Variants in OXR1 observed in about 807,000 individuals in gnomAD.
OXR1 encodes the protein oxidation resistance protein 1.
In OXR1, 41 loss-of-function variants were observed where a neutral mutation model predicts 104.6. That is an observed-to-expected ratio of 0.39 (90% CI 0.31 to 0.51). The LOEUF (loss-of-function observed/expected upper bound fraction) is 0.51. Ranked by LOEUF, OXR1 falls within the 20% of genes least tolerant of loss-of-function variation. OXR1 has a pLI of 0.77. For missense variants in OXR1, 955 were observed against 1,031.9 expected, an observed-to-expected ratio of 0.93 and a Z score of 1.02; for synonymous variants, 348 against 348.4, an observed-to-expected ratio of 1.00 and a Z score of 0.01.
chr8:106,600,179 A>G (rs1473922344), intron 3 of OXR1, among the ~76,000 whole-genome samples: 1 of 152,214 alleles, frequency 6.6e-6, no homozygotes, highest in Non-Finnish European at 1.5e-5. Flanking sequence ...GTTACAATGG[A>G]TGAGCATATC....
rs61559960 is a variant in OXR1 at position 106,293,965 on chromosome 8, A to ATTTTTTTT, written c.-139+23612_-139+23619dup. Among the ~76,000 whole-genome samples, 206 of 124,316 alleles carry ATTTTTTTT rather than the reference A, an allele frequency of 1.7e-3. 4 individuals are homozygous for ATTTTTTTT. Among genetic ancestry groups the ATTTTTTTT allele is most frequent in the African/African-American group, 6.0e-3 (180 of 30,208 alleles). 81.6% of individuals were successfully genotyped at this position (124,316 alleles called of 152,430 possible). The stretch of plus-strand genomic sequence containing the variant: ...TTCTAGATTTTCATATGACAGTTTA[A>ATTTTTTTT]TTTTTTTTTTTTTTTTTTTTTGGTA... On this transcript the variant is annotated intron_variant, in intron 1 of 16. Transcript: ENST00000517566.
At chr8:106,463,113 T>G (rs1010423952) in intron 2 of OXR1, among the ~76,000 whole-genome samples, 2 of 152,070 alleles carry the variant, frequency 1.3e-5, no homozygotes, top group Non-Finnish European at 2.9e-5. Context: ...GCCCATATTT[T>G]ATACACTTTG....
At chr8:106,644,884 C>A (rs1823947656) in intron 3 of OXR1, among the ~76,000 whole-genome samples, 1 of 152,124 alleles carries the variant, frequency 6.6e-6, no homozygotes, top group Non-Finnish European at 1.5e-5. Context: ...GCCATGGAAC[C>A]AGAATCTCTG....
At chr8:106,549,690 A>T (rs1815653062) in intron 3 of OXR1, among the ~76,000 whole-genome samples, 1 of 152,182 alleles carries the variant, frequency 6.6e-6, no homozygotes, top group South Asian at 2.1e-4. Context: ...CTGCTTCCTG[A>T]TTCATAGATG....
intron 2 of OXR1, among the ~76,000 whole-genome samples, chr8:106,420,330 T>C (rs1354640261): frequency 6.6e-6 from 1 of 151,988 alleles, no homozygotes; most frequent in Non-Finnish European, 1.5e-5. Flanking sequence ...GAATTTCTTT[T>C]GTATAAATTT....
intron 3 of OXR1, among the ~76,000 whole-genome samples, chr8:106,524,243 C>T (rs560824400): frequency 1.3e-5 from 2 of 152,298 alleles, no homozygotes; most frequent in East Asian, 3.9e-4. Flanking sequence ...GCTTATTTCA[C>T]TACCCTTCAT....
chr8:106,444,576 C>G (rs1819934300), intron 2 of OXR1, among the ~76,000 whole-genome samples: 1 of 152,076 alleles, frequency 6.6e-6, no homozygotes, highest in South Asian at 2.1e-4. Context: ...CCTCAGCAAA[C>G]TAACACAGGA....
chr8:106,388,668 C>T (rs1267961401), intron 2 of OXR1, among the ~76,000 whole-genome samples: 5 of 152,110 alleles, frequency 3.3e-5, no homozygotes, highest in South Asian at 2.1e-4. Flanking sequence ...GTGATCCGCC[C>T]GCCTCGGCCT....
chr8:106,581,251 A>G (rs1411444723), intron 3 of OXR1: 3 of 1,287,440 alleles, frequency 2.3e-6, no homozygotes, highest in African/African-American at 1.5e-5. Flanking sequence ...GAAGCTGAGA[A>G]GTAAGTTTCT....
At chr8:106,681,525 A>G (rs1442808142) in intron 4 of OXR1, among the ~76,000 whole-genome samples, 1 of 151,690 alleles carries the variant, frequency 6.6e-6, no homozygotes, top group African/African-American at 2.4e-5. Flanking sequence ...TTTTTATTTT[A>G]TTTTATTTTG....
At chr8:106,401,948 A>T (rs531447893) in intron 2 of OXR1, among the ~76,000 whole-genome samples, 50 of 152,308 alleles carry the variant, frequency 3.3e-4, no homozygotes, top group African/African-American at 9.1e-4. Context: ...GAGTTGATAT[A>T]TCTCTGAAAT....
At chr8:106,422,290 G>A (rs1323843953) in intron 2 of OXR1, among the ~76,000 whole-genome samples, 2 of 152,252 alleles carry the variant, frequency 1.3e-5, no homozygotes, top group Middle Eastern at 6.8e-3. Flanking sequence ...TACAAAGTCT[G>A]TGTCCTGTAG....
chr8:106,733,347 C>A (rs1834065653), intron 11 of OXR1, among the ~76,000 whole-genome samples: 1 of 152,076 alleles, frequency 6.6e-6, no homozygotes, highest in East Asian at 1.9e-4. Flanking sequence ...GATATTTATT[C>A]TCTCACTCTC....
At chr8:106,519,161 C>T in intron 3 of OXR1, 22 bp downstream of exon 3, 2 of 1,494,698 alleles carry the variant, frequency 1.3e-6, no homozygotes, top group Non-Finnish European at 1.8e-6. Context: ...ATGTTTTATG[C>T]AAGTGAATAG....
chr8:106,684,445 A>G, intron 6 of OXR1, 86 bp downstream of exon 6: 1 of 711,238 alleles, frequency 1.4e-6, no homozygotes, highest in Non-Finnish European at 2.5e-6. Context: ...TTCCATTTTG[A>G]CTATGGTTAG....
At chr8:106,585,089 G>T (rs545193026) in intron 3 of OXR1, among the ~76,000 whole-genome samples, 1 of 152,138 alleles carries the variant, frequency 6.6e-6, no homozygotes, top group African/African-American at 2.4e-5. Flanking sequence ...TTGAATAATG[G>T]TTATTCCTTC....
chr8:106,750,483 G>T (rs1180116139), intron 16 of OXR1, among the ~76,000 whole-genome samples: 1 of 151,474 alleles, frequency 6.6e-6, no homozygotes, highest in Non-Finnish European at 1.5e-5. Flanking sequence ...GTGCCACCGC[G>T]CCTGGCTAAT....
At chr8:106,456,541 T>G (rs1193718856) in intron 2 of OXR1, among the ~76,000 whole-genome samples, 1 of 152,204 alleles carries the variant, frequency 6.6e-6, no homozygotes, top group Non-Finnish European at 1.5e-5. Flanking sequence ...AGTTATTTAA[T>G]GCCATCAATG....
At chr8:106,666,488 A>G (rs1826347448) in intron 3 of OXR1, among the ~76,000 whole-genome samples, 1 of 152,230 alleles carries the variant, frequency 6.6e-6, no homozygotes, top group African/African-American at 2.4e-5. Flanking sequence ...ACAATAAGAC[A>G]GACTTTATTC....
Sources: allele counts gnomAD v4.1 joint callset (sites outside exome capture counted in the v4.1 genomes callset), GRCh38; gene constraint gnomAD v4.1.1; transcripts MANE v1.5; gene names NCBI Gene and HGNC (gene_info 2026-07-23, HGNC 2026-07-21).